HLCS: variants seen among roughly 807,000 people sequenced by gnomAD.
HLCS encodes the protein holocarboxylase synthetase.
HLCS carries 53 observed loss-of-function variants against 75.0 expected under a neutral mutation model. The observed-to-expected ratio is 0.71, with a 90% CI of 0.57 to 0.89. The LOEUF (loss-of-function observed/expected upper bound fraction) is 0.89. HLCS is among the 40% of genes least tolerant of loss of function. The pLI, the probability that HLCS is intolerant of heterozygous loss-of-function variation, is 0.00. For missense variants in HLCS, 966 were observed against 1,074.0 expected, an observed-to-expected ratio of 0.90 and a Z score of 1.41; for synonymous variants, 431 against 428.6, an observed-to-expected ratio of 1.01 and a Z score of -0.07.
chr21:36,859,006 TTTGGC>T (rs1465996765), intron 6 of HLCS, among the ~76,000 whole-genome samples: 5 of 152,270 alleles, frequency 3.3e-5, no homozygotes, highest in Admixed American at 6.5e-5. Context: ...TCACCCAATG[TTTGGC>T]TTGGAGTTTT....
intron 6 of HLCS, among the ~76,000 whole-genome samples, chr21:36,849,138 T>C (rs976251983): frequency 1.3e-5 from 2 of 152,216 alleles, no homozygotes; most frequent in Non-Finnish European, 2.9e-5. Flanking sequence ...TTAAGCTATG[T>C]TATTTTAACA....
chr21:36,817,648 C>A (rs1000018370), intron 6 of HLCS, among the ~76,000 whole-genome samples: 13 of 152,132 alleles, frequency 8.5e-5, no homozygotes, highest in African/African-American at 3.1e-4. Flanking sequence ...ACCAGTGAAA[C>A]GAACTTTACG....
rs1569149910 is a variant in HLCS, at chr21:36,888,479, TA to T, written c.1892+8380del. ...ATATATATATATATATATATATATA[TA>T]TATATATATATATATATTTATTTAT... On this transcript the variant is annotated intron_variant, in intron 6 of 10. Transcript: ENST00000674895. 6.6e-3 allele frequency among the ~76,000 whole-genome samples: 842 copies of T among 127,512 alleles called. 32 individuals are homozygous for T. The highest frequency in any genetic ancestry group is 0.011 in the Non-Finnish European group (648 of 61,576). The allele number at this position is 127,512 out of a possible 152,430, so 83.7% of individuals were successfully genotyped here.
chr21:36,865,901 C>G (rs2063537711), intron 6 of HLCS, among the ~76,000 whole-genome samples: 1 of 152,142 alleles, frequency 6.6e-6, no homozygotes, highest in African/African-American at 2.4e-5. Context: ...AAAAACATGG[C>G]CTGAGCTTGT....
intron 8 of HLCS, among the ~76,000 whole-genome samples, chr21:36,764,514 G>C (rs1475084408): frequency 6.6e-6 from 1 of 152,072 alleles, no homozygotes; most frequent in Admixed American, 6.6e-5. Context: ...GACCAGCCTG[G>C]GCCACATGGT....
intron 8 of HLCS, among the ~76,000 whole-genome samples, chr21:36,761,919 G>A (rs1601125679): frequency 6.6e-6 from 1 of 152,212 alleles, no homozygotes; most frequent in Non-Finnish European, 1.5e-5. Flanking sequence ...GTGCCTGGGC[G>A]GGCCCTGCAC....
intron 6 of HLCS, among the ~76,000 whole-genome samples, chr21:36,815,527 T>C (rs2061637599): frequency 6.6e-6 from 1 of 152,188 alleles, no homozygotes; most frequent in Non-Finnish European, 1.5e-5. Flanking sequence ...CTTCTCATAT[T>C]ATTACTGAGA....
At chr21:36,927,118 G>A (rs1278680530) in intron 5 of HLCS, among the ~76,000 whole-genome samples, 1 of 152,158 alleles carries the variant, frequency 6.6e-6, no homozygotes, top group African/African-American at 2.4e-5. Context: ...TTAACTTTTT[G>A]TCATTTTGCT....
chr21:36,757,174 C>T (rs3787739), intron 9 of HLCS, among the ~76,000 whole-genome samples: 71,687 of 151,632 alleles, frequency 0.47, 17,210 homozygotes, highest in South Asian at 0.62. Flanking sequence ...ACAGATCCCA[C>T]GCTTGAAAAT....
chr21:36,921,210 G>T (rs1329364021), intron 5 of HLCS, among the ~76,000 whole-genome samples: 1 of 152,210 alleles, frequency 6.6e-6, no homozygotes, highest in Non-Finnish European at 1.5e-5. Flanking sequence ...ACTTTGGGGA[G>T]CCGAGGCAGG....
At chr21:36,890,775 A>G (rs960512108) in intron 6 of HLCS, among the ~76,000 whole-genome samples, 1 of 152,222 alleles carries the variant, frequency 6.6e-6, no homozygotes, top group East Asian at 1.9e-4. Context: ...CCTAAAAAAA[A>G]TTCCTCTAAT....
Position 36,937,066 on chromosome 21 carries a change from T to C in HLCS, c.820A>G (p.Asn274Asp). The change falls in exon 4 of 11, where the codon AAC (asparagine) becomes GAC (aspartate). Residue 274 changes from asparagine to aspartate, a missense_variant. Transcript: ENST00000674895. ...IESVKFASAE[N>D]IPDLPYDYSS... ...TAATCGTAGGGAAGGTCTGGAATGTTCTCGGCAGACGCAAACTTGACTGAC... is the reference window on the plus strand; with the variant it reads ...TAATCGTAGGGAAGGTCTGGAATGTCCTCGGCAGACGCAAACTTGACTGAC... 1 of 1,614,096 alleles carries C rather than the reference T, an allele frequency of 6.2e-7. No individual in the cohort carries two copies. Among genetic ancestry groups the C allele is most frequent in the Non-Finnish European group, 8.5e-7 (1 of 1,180,006 alleles).
chr21:36,802,469 A>G (rs1237028393), intron 6 of HLCS, among the ~76,000 whole-genome samples: 1 of 152,252 alleles, frequency 6.6e-6, no homozygotes, highest in Non-Finnish European at 1.5e-5. Flanking sequence ...AGATGTTTAC[A>G]CGGCACTTTT....
chr21:36,783,314 G>A (rs969099221), intron 6 of HLCS, among the ~76,000 whole-genome samples: 1 of 152,150 alleles, frequency 6.6e-6, no homozygotes, highest in African/African-American at 2.4e-5. Context: ...TGATTAGAAT[G>A]CAGCTGGTCC....
At chr21:36,756,882 G>C in intron 9 of HLCS, 127 bp from the exon 10 acceptor site, 7 of 1,554,580 alleles carry the variant, frequency 4.5e-6, no homozygotes, top group African/African-American at 1.4e-5. Context: ...TTCAGATTTC[G>C]TGTCTCTAAC....
At chr21:36,898,240 G>A (rs2146340575) in intron 5 of HLCS, among the ~76,000 whole-genome samples, 1 of 152,126 alleles carries the variant, frequency 6.6e-6, no homozygotes, top group Non-Finnish European at 1.5e-5. Flanking sequence ...CAGGTCAGTA[G>A]TTCAAGACCA....
intron 6 of HLCS, among the ~76,000 whole-genome samples, chr21:36,891,727 G>A (rs1276116115): frequency 3.9e-5 from 6 of 152,162 alleles, no homozygotes; most frequent in African/African-American, 1.4e-4. Context: ...CAAGAGAAAT[G>A]ATCTCCAACT....
intron 6 of HLCS, among the ~76,000 whole-genome samples, chr21:36,882,461 A>C (rs562714958): frequency 6.6e-6 from 1 of 151,804 alleles, no homozygotes. Context: ...TTGTTTTTGA[A>C]ATAGAGTCTC....
chr21:36,955,773 G>A (rs1208471634), intron 2 of HLCS, among the ~76,000 whole-genome samples: 4 of 152,200 alleles, frequency 2.6e-5, no homozygotes. Flanking sequence ...CTCACTCACT[G>A]ACTCGCCCTG....
Sources: allele counts gnomAD v4.1 joint callset (sites outside exome capture counted in the v4.1 genomes callset), GRCh38; gene constraint gnomAD v4.1.1; transcripts MANE v1.5; gene names NCBI Gene and HGNC (gene_info 2026-07-23, HGNC 2026-07-21).